Variants in CA5A observed in about 807,000 individuals in gnomAD.
CA5A encodes the protein carbonic anhydrase 5A, mitochondrial.
CA5A carries 28 observed loss-of-function variants against 37.1 expected under a neutral mutation model. That is an observed-to-expected ratio of 0.75 (90% CI 0.56 to 1.03). The LOEUF is 1.03. CA5A is among the 50% of genes least tolerant of loss of function. The probability of loss-of-function intolerance (pLI) is 0.00; values close to 1 mark genes in which losing one functional copy is unlikely to be tolerated. For missense variants in CA5A, 444 were observed against 399.9 expected (o/e 1.11, Z -0.94); for synonymous variants, 171 against 158.4 (o/e 1.08, Z -0.60).
chr16:87,924,165 C>G (rs1259212711), intron 2 of CA5A: 2 of 985,332 alleles, frequency 2.0e-6, no homozygotes, highest in African/African-American at 3.5e-5. Context: ...CTTCTCCGAG[C>G]TGGTCTTGTC....
chr16:87,923,548 G>T (rs1162337222), intron 2 of CA5A: 1 of 985,250 alleles, frequency 1.0e-6, no homozygotes, highest in African/African-American at 1.7e-5. Flanking sequence ...GTAGTATCAG[G>T]ATTCCCCTGG....
intron 5 of CA5A, among the ~76,000 whole-genome samples, chr16:87,898,729 ATTT>A (rs59375883): frequency 3.5e-5 from 4 of 115,074 alleles, no homozygotes; most frequent in Admixed American, 9.1e-5. Context: ...TCTAGTGTGG[ATTT>A]TTTTTTTTTT....
chr16:87,917,743 A>G (rs1466869387), intron 2 of CA5A, among the ~76,000 whole-genome samples: 2 of 97,730 alleles, frequency 2.0e-5, no homozygotes, highest in Non-Finnish European at 1.8e-5. Context: ...ATGAACACAC[A>G]TGCACACATG....
chr16:87,888,445 G>T (rs1044055527), intron 6 of CA5A, among the ~76,000 whole-genome samples, 173 bp from the exon 7 acceptor site: 5 of 152,124 alleles, frequency 3.3e-5, no homozygotes, highest in Non-Finnish European at 5.9e-5. Context: ...AAAAGGCATT[G>T]CCGCTTCCGC....
rs777682092 is a variant in CA5A, at chr16:87,901,932, A to T, written c.598T>A (p.Leu200Met). The change falls in exon 5 of 7, where the codon TTG becomes ATG. Residue 200 changes from leucine (L) to methionine (M), a missense_variant. Physicochemically the swap from Leu to Met is conservative, Grantham distance 15. Coordinates refer to ENST00000649794, the MANE Select transcript of CA5A (RefSeq NM_001739.2). Reference sequence around the variant, plus strand: ...CTTACCTTATGTTTTATTTCCGGCAAGATGTCCACCAGCCTCTGCAGCGTC... The same window carrying T: ...CTTACCTTATGTTTTATTTCCGGCATGATGTCCACCAGCCTCTGCAGCGTC... ...HQTLQRLVDI[L>M]PEIKHKDARA... is the part of the protein sequence containing the mutation. 2 of 1,613,522 alleles carry T rather than the reference A, an allele frequency of 1.2e-6. No individual in the cohort carries two copies. The highest frequency in any genetic ancestry group is 4.5e-5 in the East Asian group (2 of 44,858).
At chr16:87,923,445 C>T in intron 2 of CA5A, 1 of 685,078 alleles carries the variant, frequency 1.5e-6, no homozygotes. Context: ...ACCTCGGCTT[C>T]CCAAAGTGCT....
chr16:87,921,238 G>A (rs2056225365), intron 2 of CA5A, among the ~76,000 whole-genome samples: 1 of 152,174 alleles, frequency 6.6e-6, no homozygotes, highest in African/African-American at 2.4e-5. Context: ...ACTTTTATTT[G>A]TCTGCTTTTA....
intron 2 of CA5A, among the ~76,000 whole-genome samples, chr16:87,906,476 A>G: frequency 6.6e-6 from 1 of 151,868 alleles, no homozygotes; most frequent in Non-Finnish European, 1.5e-5. Context: ...AAAATACAAA[A>G]ATTAGCTGGG....
intron 5 of CA5A, chr16:87,893,130 C>A: frequency 9.8e-6 from 5 of 507,992 alleles, no homozygotes; most frequent in Non-Finnish European, 1.4e-5. Context: ...TTCTTCCTTT[C>A]TTTCTTTCTT....
Position 87,936,327 on chromosome 16 carries a change from G to T in CA5A, c.124C>A (p.Gln42Lys). ...RWCSQRSCAWQTSNNTLHPLW... is the reference protein window; with the variant it reads ...RWCSQRSCAWKTSNNTLHPLW... ...TACTTACAAGTGTTATTGCTGGTTTGCCATGCACAGGAACGCTGAGAACAC... is the reference window on the plus strand; with the variant it reads ...TACTTACAAGTGTTATTGCTGGTTTTCCATGCACAGGAACGCTGAGAACAC... The change falls in exon 1 of 7, where the codon CAA (glutamine) becomes AAA (lysine). Residue 42 changes from glutamine (Q) to lysine (K), a missense_variant. Physicochemically the swap from Gln to Lys is moderately conservative, Grantham distance 53 (BLOSUM62 1). Coordinates refer to ENST00000649794, the MANE Select transcript of CA5A (RefSeq NM_001739.2). The T allele has an allele frequency of 6.2e-7, 1 of 1,613,474 alleles. No homozygotes were observed. The highest frequency in any genetic ancestry group is 8.5e-7 in the Non-Finnish European group (1 of 1,179,490).
intron 2 of CA5A, among the ~76,000 whole-genome samples, chr16:87,915,174 G>C (rs1408504618): frequency 6.6e-6 from 1 of 152,210 alleles, no homozygotes; most frequent in Non-Finnish European, 1.5e-5. Flanking sequence ...TATCACTGGG[G>C]ATCCAGAGGT....
chr16:87,908,105 G>A (rs772076871), intron 2 of CA5A, among the ~76,000 whole-genome samples: 1 of 152,132 alleles, frequency 6.6e-6, no homozygotes, highest in African/African-American at 2.4e-5. Flanking sequence ...TCACTTGGTC[G>A]GTAAGCAGCT....
chr16:87,916,415 T>G (rs2056144362), intron 2 of CA5A, among the ~76,000 whole-genome samples: 1 of 152,174 alleles, frequency 6.6e-6, no homozygotes, highest in Admixed American at 6.5e-5. Context: ...GATGCTGGAA[T>G]GCTCCTCCCC....
At chr16:87,909,345 TG>T (rs1399712383) in intron 2 of CA5A, among the ~76,000 whole-genome samples, 1 of 152,172 alleles carries the variant, frequency 6.6e-6, no homozygotes, top group African/African-American at 2.4e-5. Flanking sequence ...CACCCTGGGC[TG>T]GGGACCAAGC....
Position 87,932,063 on chromosome 16 carries a change from G to C in CA5A, c.142+4246C>G, listed in dbSNP as rs142551616. Among the ~76,000 whole-genome samples the C allele has an allele frequency of 2.8e-3, 418 of 151,648 alleles. 3 individuals carry two copies. The highest frequency in any genetic ancestry group is 4.2e-3 in the Non-Finnish European group (287 of 67,852). ...CAGGAGGTGGAGGTTGCAGTGAGCT[G>C]AGATTGCGCTATTGCACGCCAGCCT... On this transcript the variant is annotated intron_variant, in intron 1 of 6. Transcript: ENST00000649794.
At chr16:87,924,001 A>T in intron 2 of CA5A, 1 of 985,414 alleles carries the variant, frequency 1.0e-6, no homozygotes, top group Non-Finnish European at 1.2e-6. Context: ...AGCCAATCTG[A>T]GTTGCTTCTT....
intron 5 of CA5A, chr16:87,893,144 T>C: frequency 2.1e-6 from 1 of 482,858 alleles, no homozygotes; most frequent in Non-Finnish European, 3.6e-6. Context: ...CTTTCTTTCT[T>C]TCTTTTTTTT....
chr16:87,899,154 T>C (rs1175978485), intron 5 of CA5A, among the ~76,000 whole-genome samples: 1 of 152,110 alleles, frequency 6.6e-6, no homozygotes, highest in Non-Finnish European at 1.5e-5. Flanking sequence ...GGCTCTCTGA[T>C]ACACTGTGCT....
At chr16:87,900,399 C>T (rs1292529978) in intron 5 of CA5A, among the ~76,000 whole-genome samples, 3 of 152,324 alleles carry the variant, frequency 2.0e-5, no homozygotes, top group East Asian at 3.9e-4. Context: ...AGCATCAAGG[C>T]GAAGGCCACG....
Sources: allele counts gnomAD v4.1 joint callset (sites outside exome capture counted in the v4.1 genomes callset), GRCh38; gene constraint gnomAD v4.1.1; transcripts MANE v1.5; gene names NCBI Gene and HGNC (gene_info 2026-07-23, HGNC 2026-07-21).